PLB1: variants seen among roughly 807,000 people sequenced by gnomAD.
The protein encoded by PLB1 is phospholipase B1, membrane-associated.
In PLB1, 242 loss-of-function variants were observed where a neutral mutation model predicts 227.4. The ratio of observed to expected loss-of-function variants is 1.06; its 90% CI spans 0.96 to 1.18. The LOEUF is 1.18. PLB1 is among the 50% of genes most tolerant of loss of function. The pLI is 0.00. For missense variants in PLB1, 1,858 were observed against 1,816.3 expected, an observed-to-expected ratio of 1.02 and a Z score of -0.42; for synonymous variants, 757 against 682.2, an observed-to-expected ratio of 1.11 and a Z score of -1.71.
intron 9 of PLB1, among the ~76,000 whole-genome samples, chr2:28,536,686 A>G (rs1353201885): frequency 3.9e-5 from 6 of 152,260 alleles, no homozygotes; most frequent in East Asian, 1.9e-4. Context: ...ATGGAAATGT[A>G]CAAGTTCATT....
In PLB1 at chr2:28,632,049, G is replaced by C; in HGVS notation, c.3911G>C (p.Ser1304Thr). The change falls in exon 55 of 58, where the codon AGT (serine) becomes ACT (threonine). Residue 1304 changes from serine to threonine, a missense_variant. Physicochemically the swap from Ser to Thr is moderately conservative, Grantham distance 58 (BLOSUM62 1). Coordinates refer to ENST00000327757, the MANE Select transcript of PLB1 (RefSeq NM_153021.5). ...VNWNLQHGIS[S>T]FSYWHQYTQR... Reference sequence around the variant, plus strand: ...CTCTGTCCCCAGCATGGCATCTCCAGTTTCTCCTACTGGCACCAATACACA... The same window carrying C: ...CTCTGTCCCCAGCATGGCATCTCCACTTTCTCCTACTGGCACCAATACACA... The C allele has an allele frequency of 1.9e-6, 3 of 1,613,998 alleles. No homozygotes were observed. Among genetic ancestry groups the C allele is most frequent in the Non-Finnish European group, 2.5e-6 (3 of 1,179,938 alleles).
At chr2:28,526,509 G>A (rs1670285330) in intron 6 of PLB1, among the ~76,000 whole-genome samples, 1 of 152,152 alleles carries the variant, frequency 6.6e-6, no homozygotes, top group African/African-American at 2.4e-5. Context: ...AAATGTGCTT[G>A]CGAATATACT....
At chr2:28,556,995 C>T (rs1042044861) in intron 17 of PLB1, among the ~76,000 whole-genome samples, 2 of 152,058 alleles carry the variant, frequency 1.3e-5, no homozygotes, top group Non-Finnish European at 2.9e-5. Context: ...CGTGAGCCAG[C>T]AGTGCAATGT....
intron 4 of PLB1, among the ~76,000 whole-genome samples, chr2:28,524,922 G>A (rs1300933143): frequency 7.1e-6 from 1 of 140,034 alleles, no homozygotes; most frequent in Non-Finnish European, 1.5e-5. Context: ...ATCTTGGCTT[G>A]CTGCAACCTC....
intron 17 of PLB1, among the ~76,000 whole-genome samples, chr2:28,557,233 C>T (rs1675287140): frequency 6.6e-6 from 1 of 152,048 alleles, no homozygotes; most frequent in Non-Finnish European, 1.5e-5. Context: ...CTGTAAAGTC[C>T]CTGTCACAGA....
chr2:28,600,736 G>A lies in PLB1; in HGVS notation c.2475-73G>A. On this transcript the variant is annotated intron_variant, in intron 35 of 57. Coordinates refer to ENST00000327757, the MANE Select transcript of PLB1 (RefSeq NM_153021.5). The stretch of plus-strand genomic sequence containing the variant: ...TGGGGATGATACTGTAGAAGCCTCT[G>A]GTTCAGGCCCTCTAGGAGGAAAACT... 1.2e-5 allele frequency: 18 copies of A among 1,448,616 alleles called. No individual in the cohort carries two copies. In the South Asian group the frequency reaches 1.9e-4, roughly 16 times the overall value. The allele number at this position is 1,448,616 out of a possible 1,614,324, so 89.7% of individuals were successfully genotyped here.
intron 21 of PLB1, among the ~76,000 whole-genome samples, chr2:28,575,203 C>A (rs1168442596): frequency 6.6e-6 from 1 of 152,156 alleles, no homozygotes; most frequent in Non-Finnish European, 1.5e-5. Flanking sequence ...TTAATTATGG[C>A]TGTTCTTGCA....
intron 20 of PLB1, among the ~76,000 whole-genome samples, chr2:28,569,206 G>A (rs182766253): frequency 1.5e-4 from 22 of 146,772 alleles, no homozygotes; most frequent in African/African-American, 4.5e-4. Flanking sequence ...GTGAGACAGC[G>A]GGGGCAAGTG....
In PLB1 at chr2:28,497,899, A is replaced by T. The variant is rs112498898; in HGVS notation, c.55+1730A>T. Among the ~76,000 whole-genome samples the T allele has an allele frequency of 8.5e-3, 1,273 of 149,292 alleles. 12 individuals are homozygous for T. Among genetic ancestry groups the T allele is most frequent in the Non-Finnish European group, 0.011 (704 of 66,614 alleles). On this transcript the variant is annotated intron_variant, in intron 1 of 57. Coordinates refer to ENST00000327757, the MANE Select transcript of PLB1 (RefSeq NM_153021.5). The stretch of plus-strand genomic sequence containing the variant: ...GTGCCTGGCTAATTTTTGTATTTTT[A>T]GTAGAGACAGGGTTTCACCATGTTG...
chr2:28,520,014 C>T (rs1033194541), intron 4 of PLB1, among the ~76,000 whole-genome samples: 11 of 152,040 alleles, frequency 7.2e-5, no homozygotes, highest in African/African-American at 2.2e-4. Flanking sequence ...CCACAACCTC[C>T]GTTTCCCGGG....
rs577389620 is a variant in PLB1, at chr2:28,592,387, C to T, written c.2189-274C>T. Among the ~76,000 whole-genome samples the T allele has an allele frequency of 4.7e-5, 7 of 149,892 alleles. 1 individual carries two copies. The South Asian group carries it at 1.5e-3, about 32-fold the overall frequency. The stretch of plus-strand genomic sequence containing the variant: ...CCCTCCCACCTTTCCCTTCTTCCTT[C>T]CCTCCATCTCTCCTTCTCCCTTTCC... On this transcript the variant is annotated intron_variant, in intron 31 of 57. Coordinates refer to ENST00000327757, the MANE Select transcript of PLB1 (RefSeq NM_153021.5).
Position 28,534,153 on chromosome 2 carries a change from A to C in PLB1, c.555+1959A>C, listed in dbSNP as rs116163563. On this transcript the variant is annotated intron_variant, in intron 9 of 57. Coordinates refer to ENST00000327757, the MANE Select transcript of PLB1 (RefSeq NM_153021.5). ...TTGAGATCTAGTCATGTTGACATAT[A>C]TGGAATGAGTTTATTTCTCTTCCAT... 8.1e-3 allele frequency among the ~76,000 whole-genome samples: 1,228 copies of C among 152,336 alleles called. 22 individuals are homozygous for C. The highest frequency in any genetic ancestry group is 0.028 in the African/African-American group (1,174 of 41,586).
At chr2:28,529,836 G>A in intron 8 of PLB1, 57 bp downstream of exon 8, 1 of 1,534,486 alleles carries the variant, frequency 6.5e-7, no homozygotes, top group Non-Finnish European at 9.0e-7. Context: ...TGCAAGGCGG[G>A]CAGACCGAAG....
At chr2:28,627,100 TCA>T (rs545293702) in intron 51 of PLB1, among the ~76,000 whole-genome samples, 32 of 152,328 alleles carry the variant, frequency 2.1e-4, no homozygotes, top group African/African-American at 7.7e-4. Flanking sequence ...CTGCCCAGCC[TCA>T]GAGATTGTGG....
chr2:28,642,063 T>C (rs558809375), intron 57 of PLB1, among the ~76,000 whole-genome samples: 2 of 152,304 alleles, frequency 1.3e-5, no homozygotes, highest in East Asian at 1.9e-4. Context: ...TATGAGAACA[T>C]CCGCCTCCCT....
At chr2:28,571,685 T>C (rs1678034622) in intron 20 of PLB1, among the ~76,000 whole-genome samples, 1 of 151,932 alleles carries the variant, frequency 6.6e-6, no homozygotes, top group African/African-American at 2.4e-5. Context: ...CCAAAACCAA[T>C]GGGGGAAAGA....
At chr2:28,522,915 C>T (rs1392735212) in intron 4 of PLB1, among the ~76,000 whole-genome samples, 1 of 152,104 alleles carries the variant, frequency 6.6e-6, no homozygotes, top group East Asian at 1.9e-4. Context: ...AAAAGCTAGA[C>T]CAGGGCAAAA....
Position 28,628,572 on chromosome 2 carries a change from T to C in PLB1, c.3670T>C (p.Leu1224=). The change falls in exon 52 of 58, where the codon TTG becomes CTG. Residue 1224 remains leucine, a synonymous_variant. Transcript: ENST00000327757. ...CHYCENPEAH[L]ATEYVQHIQQ... is the part of the protein sequence containing the mutation. ...CCTTTTTTCCTTACAGGAGGCCCACTTGGCCACGGAATATGTTCAGCACAT... is the reference window on the plus strand; with the variant it reads ...CCTTTTTTCCTTACAGGAGGCCCACCTGGCCACGGAATATGTTCAGCACAT... The C allele has an allele frequency of 6.2e-7, 1 of 1,614,144 alleles. No individual in the cohort carries two copies. The highest frequency in any genetic ancestry group is 8.5e-7 in the Non-Finnish European group (1 of 1,179,998).
Position 28,541,716 on chromosome 2 carries a change from AACAGC to A in PLB1, c.785_789del (p.Asn262ThrfsTer9). 1 of 1,613,882 alleles carries A rather than the reference AACAGC, an allele frequency of 6.2e-7. No individual in the cohort carries two copies. Among genetic ancestry groups the A allele is most frequent in the Non-Finnish European group, 8.5e-7 (1 of 1,179,906 alleles). ...CTGCTCCCTTCTCCAGGAAGCCTGG[AACAGC>A]CTCCTGGCCTCCAGCAGGTACAGTG... On this transcript the variant is annotated frameshift_variant, in exon 13 of 58. Transcript: ENST00000327757. LOFTEE classifies it high-confidence loss of function.
Sources: gnomAD v4.1 joint callset for allele counts (sites outside exome capture counted in the v4.1 genomes callset) on GRCh38, gnomAD v4.1.1 for gene constraint, MANE v1.5 for transcripts, NCBI Gene and HGNC (gene_info 2026-07-23, HGNC 2026-07-21) for gene names.